The following SORL1 variants were observed in gnomAD, a reference collection of about 807,000 sequenced individuals.
The protein encoded by SORL1 is sortilin related receptor 1, also known as sortilin-related receptor.
SORL1 carries 127 observed loss-of-function variants against 273.7 expected under a neutral mutation model. That is an observed-to-expected ratio of 0.46 (90% confidence interval 0.40 to 0.54). The LOEUF is 0.54. Ranked by LOEUF, SORL1 falls within the 20% of genes least tolerant of loss-of-function variation. The pLI is 0.00. For synonymous variants in SORL1, 1,031 were observed against 1,067.4 expected (o/e 0.97, Z 0.66); for missense variants, 2,494 against 2,846.1 (o/e 0.88, Z 2.81).
intron 9 of SORL1, 74 bp from the exon 10 acceptor site, chr11:121,522,512 C>T: frequency 8.6e-7 from 1 of 1,158,956 alleles, no homozygotes; most frequent in African/African-American, 1.5e-5. Flanking sequence ...TCCCCTCACA[C>T]AGGCCGCAGG....
chr11:121,624,085 G>A (rs1863760508), intron 45 of SORL1, among the ~76,000 whole-genome samples: 1 of 152,202 alleles, frequency 6.6e-6, no homozygotes, highest in Admixed American at 6.5e-5. Context: ...TCACTACCAT[G>A]AGAACAGTAT....
intron 37 of SORL1, among the ~76,000 whole-genome samples, 177 bp from the exon 38 acceptor site, chr11:121,607,927 C>CT (rs1174091193): frequency 6.6e-6 from 1 of 152,098 alleles, no homozygotes; most frequent in African/African-American, 2.4e-5. Flanking sequence ...CTTCCCTTGG[C>CT]TTTTTTGCCC....
At chr11:121,552,563 G>T (rs1862521811) in intron 16 of SORL1, among the ~76,000 whole-genome samples, 1 of 152,102 alleles carries the variant, frequency 6.6e-6, no homozygotes, top group African/African-American at 2.4e-5. Context: ...ACCTTAGCTG[G>T]CCCCCTCCCT....
rs532056413 is a variant in SORL1, at chr11:121,609,284, G to C, written c.5239+1108G>C. 3.3e-5 allele frequency: 5 copies of C among 152,340 alleles called. No homozygotes were observed. In the South Asian group the frequency reaches 1.0e-3, roughly 32 times the overall value. 9.4% of individuals were successfully genotyped at this position (152,340 alleles called of 1,614,324 possible). On this transcript the variant is annotated intron_variant, in intron 38 of 47. Transcript: ENST00000260197. ...CTAAAATCTGGAGCCTTTGAGATCAGGGCCCAAGGCGGCCAAACGTAGTGC... is the reference window on the plus strand; with the variant it reads ...CTAAAATCTGGAGCCTTTGAGATCACGGCCCAAGGCGGCCAAACGTAGTGC...
Position 121,627,730 on chromosome 11 carries a change from G to T in SORL1, c.6540G>T (p.Arg2180Ser), listed in dbSNP as rs1863817806. 6.2e-7 allele frequency: 1 copy of T among 1,613,932 alleles called. No individual in the cohort carries two copies. The highest frequency in any genetic ancestry group is 8.5e-7 in the Non-Finnish European group (1 of 1,180,014). Residue 2180 changes from arginine to serine, a missense_variant, in exon 47 of 48, where the codon AGG (arginine) becomes AGT (serine). Arg to Ser is a moderately radical substitution (Grantham distance 110). Coordinates refer to ENST00000260197, the MANE Select transcript of SORL1 (RefSeq NM_003105.6). The surrounding 1 kb of genome is among the most constrained non-coding windows in gnomAD (Gnocchi z 4.9). Reference protein sequence around the residue: ...TAFANSHYSSRLGSAIFSSGD... With the variant: ...TAFANSHYSSSLGSAIFSSGD... ...TCGCCAACAGCCACTACAGCTCCAGGCTGGGGTCCGCAATCTTCTCCTCTG... is the reference window on the plus strand; with the variant it reads ...TCGCCAACAGCCACTACAGCTCCAGTCTGGGGTCCGCAATCTTCTCCTCTG...
chr11:121,520,890 G>C, intron 9 of SORL1, 41 bp downstream of exon 9: 1 of 1,418,276 alleles, frequency 7.1e-7, no homozygotes, highest in Non-Finnish European at 9.6e-7. Context: ...TAATATAAAG[G>C]AAAGAGCCCT....
rs917099648 is a variant in SORL1 at position 121,577,519 on chromosome 11, C to G, written c.3580+119C>G. 3.5e-6 allele frequency: 4 copies of G among 1,127,272 alleles called. No individual in the cohort carries two copies. The African/African-American group carries it at 6.3e-5, about 18-fold the overall frequency. The allele number at this position is 1,127,272 out of a possible 1,614,324, so 69.8% of individuals were successfully genotyped here. A position where few individuals can be genotyped will look rare whatever the true frequency, so the allele number is the denominator to read the frequency against. ...AATTAGCTTGGACCTTAGAAATCAGCGAGTTTCATGCTTCTCAAAGAGCTG... is the reference window on the plus strand; with the variant it reads ...AATTAGCTTGGACCTTAGAAATCAGGGAGTTTCATGCTTCTCAAAGAGCTG... On this transcript the variant is annotated intron_variant, in intron 25 of 47. Transcript: ENST00000260197.
At chr11:121,453,448 T>C (rs183878994) in intron 1 of SORL1, among the ~76,000 whole-genome samples, 2 of 152,282 alleles carry the variant, frequency 1.3e-5, no homozygotes, top group East Asian at 3.9e-4. Context: ...CTGGCAAAAT[T>C]AATTTGACCG....
chr11:121,595,825 A>G lies in SORL1; in HGVS notation c.4519+53A>G, dbSNP rs1263794555. ...CTGGGCACGTTTCTGCAGAGAGCACAGTTCTGGTGCTTCTGCTTCATTTCT... is the reference window on the plus strand; with the variant it reads ...CTGGGCACGTTTCTGCAGAGAGCACGGTTCTGGTGCTTCTGCTTCATTTCT... On this transcript the variant is annotated intron_variant, in intron 32 of 47. Transcript: ENST00000260197. This position sits in a 1 kb window ranked among gnomAD's most constrained non-coding sequence, Gnocchi z 5.1. 6.4e-7 allele frequency: 1 copy of G among 1,569,636 alleles called. No individual in the cohort carries two copies. The highest frequency in any genetic ancestry group is 8.6e-7 in the Non-Finnish European group (1 of 1,156,292).
intron 14 of SORL1, among the ~76,000 whole-genome samples, chr11:121,548,387 A>G (rs1255478472): frequency 6.6e-6 from 1 of 152,232 alleles, no homozygotes; most frequent in African/African-American, 2.4e-5. Context: ...GCCGTTCAGT[A>G]ATAACGAACT....
chr11:121,605,561 C>A lies in SORL1; in HGVS notation c.4938C>A (p.Thr1646=), dbSNP rs1863456610. The A allele has an allele frequency of 6.2e-7, 1 of 1,612,718 alleles. No homozygotes were observed. The highest frequency in any genetic ancestry group is 1.7e-5 in the Admixed American group (1 of 59,964). The change falls in exon 35 of 48, where the codon ACC becomes ACA. Residue 1646 remains threonine (T), a synonymous_variant. Transcript: ENST00000260197. The stretch of plus-strand genomic sequence containing the variant: ...CCAATGACTTTGTGACCCTGAGGAC[C>A]CCAGAGGGATGTAAGTGTTTCAGTT... The part of the protein sequence containing the change: ...HNTNDFVTLR[T]PEGLPDAPRN...
Position 121,558,891 on chromosome 11 carries a change from G to A in SORL1, c.2910+54G>A, listed in dbSNP as rs543057394. Reference sequence around the variant, plus strand: ...CTGCTAGAGCGGGTGAGGAGCATATGAGATCAGGAGCCTGCATCCCTGGGC... The same window carrying A: ...CTGCTAGAGCGGGTGAGGAGCATATAAGATCAGGAGCCTGCATCCCTGGGC... On this transcript the variant is annotated intron_variant, in intron 20 of 47. Coordinates refer to ENST00000260197, the MANE Select transcript of SORL1 (RefSeq NM_003105.6). 5.6e-6 allele frequency: 9 copies of A among 1,597,222 alleles called. No homozygotes were observed. The African/African-American group carries it at 1.1e-4, about 19-fold the overall frequency.
At chr11:121,476,819 C>T (rs1187089592) in intron 2 of SORL1, among the ~76,000 whole-genome samples, 4 of 141,756 alleles carry the variant, frequency 2.8e-5, no homozygotes, top group African/African-American at 1.0e-4. Flanking sequence ...TTCCTTCCTT[C>T]CTCGCTCTGT....
At chr11:121,624,667 C>G (rs760654921) in intron 45 of SORL1, among the ~76,000 whole-genome samples, 6 of 152,182 alleles carry the variant, frequency 3.9e-5, no homozygotes, top group Non-Finnish European at 7.3e-5. Flanking sequence ...TCTCCTTTCT[C>G]ACCCCATTGC....
At chr11:121,466,514 T>C (rs1368874658) in intron 1 of SORL1, among the ~76,000 whole-genome samples, 2 of 152,144 alleles carry the variant, frequency 1.3e-5, no homozygotes, top group African/African-American at 2.4e-5. Context: ...CATGGAGAGC[T>C]AGCAGGAAAA....
chr11:121,499,092 G>A (rs633197), intron 6 of SORL1, among the ~76,000 whole-genome samples: 2 of 151,986 alleles, frequency 1.3e-5, no homozygotes, highest in Admixed American at 6.6e-5. Context: ...CAGCAGATGC[G>A]CAATAGAGTT....
chr11:121,504,293 T>C lies in SORL1; in HGVS notation c.939+7244T>C, dbSNP rs528380366. Among the ~76,000 whole-genome samples, 4 of 152,232 alleles carry C rather than the reference T, an allele frequency of 2.6e-5. No homozygotes were observed. The East Asian group carries it at 7.7e-4, about 29-fold the overall frequency. On this transcript the variant is annotated intron_variant, in intron 6 of 47. Coordinates refer to ENST00000260197, the MANE Select transcript of SORL1 (RefSeq NM_003105.6). ...TGGGCGTGGTGGAGCGCACCTGTAG[T>C]CCTAGCTACTCGGGAGACTGAGGCC...
intron 12 of SORL1, among the ~76,000 whole-genome samples, chr11:121,536,186 C>T (rs1862264200): frequency 6.6e-6 from 1 of 152,194 alleles, no homozygotes. Context: ...AGGGGCTTCT[C>T]TCTGGAAATC....
intron 18 of SORL1, among the ~76,000 whole-genome samples, chr11:121,556,359 C>T (rs982942196): frequency 3.9e-5 from 6 of 152,124 alleles, no homozygotes; most frequent in African/African-American, 1.4e-4. Flanking sequence ...TTAGAATAGG[C>T]AGACAGAGCA....
Sources: allele counts gnomAD v4.1 joint callset (sites outside exome capture counted in the v4.1 genomes callset), GRCh38; gene constraint gnomAD v4.1.1; non-coding constraint Gnocchi (gnomAD v3.1); transcripts MANE v1.5; gene names NCBI Gene and HGNC (gene_info 2026-07-23, HGNC 2026-07-21).